DLG3: variants seen among roughly 807,000 people sequenced by gnomAD.
The protein encoded by DLG3 is discs large MAGUK scaffold protein 3, also known as disks large homolog 3.
A neutral mutation model predicts 64.1 loss-of-function variants in DLG3; 1 was observed. The ratio of observed to expected loss-of-function variants is 0.02; its 90% CI spans 0.01 to 0.07. DLG3 has a LOEUF of 0.07. DLG3 is among the 10% of genes least tolerant of loss of function. The pLI is 1.00. For missense variants in DLG3, 429 were observed against 669.5 expected (o/e 0.64, Z 3.96); for synonymous variants, 245 against 259.8 (o/e 0.94, Z 0.55).
chrX:70,460,551 A>G (rs73216716), intron 9 of DLG3, among the ~76,000 whole-genome samples: 1 of 112,462 alleles, frequency 8.9e-6, no homozygotes, highest in Non-Finnish European at 1.9e-5. Flanking sequence ...ATAAGCAAGC[A>G]TTCATTTTTT....
At chrX:70,456,884 A>C (rs1028079212) in intron 9 of DLG3, among the ~76,000 whole-genome samples, 1 of 111,724 alleles carries the variant, frequency 9.0e-6, no homozygotes, top group Non-Finnish European at 1.9e-5. Flanking sequence ...CATGTTGATC[A>C]ATTTATAAAC....
chrX:70,461,192 G>A (rs1250306247), intron 9 of DLG3, among the ~76,000 whole-genome samples: 2 of 111,986 alleles, frequency 1.8e-5, no homozygotes, highest in Non-Finnish European at 3.8e-5. Flanking sequence ...TAGTATGTAA[G>A]GGTTCCAATT....
intron 12 of DLG3, 47 bp from the exon 13 acceptor site, chrX:70,495,361 T>TCTTCTCC: frequency 9.2e-7 from 1 of 1,081,740 alleles, no homozygotes; most frequent in East Asian, 3.2e-5. Context: ...CCTTCCCCCC[T>TCTTCTCC]CTTCTCCCCG....
intron 1 of DLG3, chrX:70,448,478 C>A: frequency 1.4e-6 from 1 of 699,188 alleles, no homozygotes; most frequent in South Asian, 2.9e-5. Flanking sequence ...AACTGTGGTT[C>A]AGAAGGGGAA....
chrX:70,460,415 G>A (rs1248161576), intron 9 of DLG3, among the ~76,000 whole-genome samples: 1 of 112,099 alleles, frequency 8.9e-6, no homozygotes, highest in Non-Finnish European at 1.9e-5. Flanking sequence ...CAGGCAGAAG[G>A]AAAGTGGATT....
At chrX:70,493,154 G>C (rs1283422846) in intron 12 of DLG3, among the ~76,000 whole-genome samples, 1 of 111,840 alleles carries the variant, frequency 8.9e-6, no homozygotes, top group Non-Finnish European at 1.9e-5. Context: ...TGAGTGTCTG[G>C]ATTATGTAGA....
Position 70,449,395 on chromosome X carries a change from A to G in DLG3, c.445A>G (p.Ile149Val), listed in dbSNP as rs774169484. 1.7e-6 allele frequency: 2 copies of G among 1,211,706 alleles called. No individual in the cohort carries two copies. The highest frequency in any genetic ancestry group is 3.5e-5 in the South Asian group (2 of 56,972). Reference protein sequence around the residue: ...SGLGFSIAGGIDNPHVPDDPG... With the variant: ...SGLGFSIAGGVDNPHVPDDPG... ...CCTGGGCTTCAGTATCGCAGGTGGCATCGACAATCCCCATGTCCCTGATGA... is the reference window on the plus strand; with the variant it reads ...CCTGGGCTTCAGTATCGCAGGTGGCGTCGACAATCCCCATGTCCCTGATGA... Residue 149 changes from isoleucine (I) to valine (V), a missense_variant, in exon 3 of 19, where the codon ATC becomes GTC. By Grantham distance (29) the Ile-to-Val change is conservative. This residue lies in a region of DLG3 where 73 missense variants were observed against 158.5 expected (regional missense o/e 0.46). Coordinates refer to ENST00000374360, the MANE Select transcript of DLG3 (RefSeq NM_021120.4).
At chrX:70,465,799 T>G (rs762041061) in intron 9 of DLG3, among the ~76,000 whole-genome samples, 1 of 112,238 alleles carries the variant, frequency 8.9e-6, no homozygotes, top group African/African-American at 3.2e-5. Flanking sequence ...GATCACCATA[T>G]ATTTTTTGAA....
chrX:70,489,028 A>G (rs1322230612), intron 10 of DLG3, among the ~76,000 whole-genome samples: 5 of 112,227 alleles, frequency 4.5e-5, no homozygotes, highest in Non-Finnish European at 9.4e-5. Flanking sequence ...CTTGTTTGCC[A>G]GGGAACTTAG....
intron 9 of DLG3, among the ~76,000 whole-genome samples, chrX:70,470,292 G>T (rs1278874799): frequency 9.1e-6 from 1 of 109,821 alleles, no homozygotes; most frequent in Non-Finnish European, 1.9e-5. Flanking sequence ...GCAGTGGTGT[G>T]ATCTCAGCTC....
At chrX:70,481,597 TTC>T (rs746698705) in intron 10 of DLG3, among the ~76,000 whole-genome samples, 1 of 112,222 alleles carries the variant, frequency 8.9e-6, no homozygotes, top group African/African-American at 3.2e-5. Context: ...TTCAAATCAC[TTC>T]TCTTTCACTA....
intron 10 of DLG3, among the ~76,000 whole-genome samples, chrX:70,489,590 A>C (rs997556611): frequency 1.8e-5 from 2 of 112,027 alleles, no homozygotes; most frequent in African/African-American, 6.5e-5. Context: ...GGCGTGAGCC[A>C]CCCCACCCAG....
intron 9 of DLG3, among the ~76,000 whole-genome samples, chrX:70,463,396 C>T (rs2086836895): frequency 9.0e-6 from 1 of 111,203 alleles, no homozygotes; most frequent in African/African-American, 3.3e-5. Flanking sequence ...ATCCACCTGC[C>T]TCGGCCTCCC....
Position 70,452,532 on chromosome X carries a change from G to T in DLG3, c.1145+506G>T, listed in dbSNP as rs1477508528. ...GGTCGGGCCGGCTGGGGTTCCGGGG[G>T]ACAGGTTTGCAGGGTGGGGCCCGAG... On this transcript the variant is annotated intron_variant, in intron 7 of 18. Transcript: ENST00000374360. 11 of 1,156,606 alleles carry T rather than the reference G, an allele frequency of 9.5e-6. No homozygotes were observed. In the South Asian group the frequency reaches 1.2e-4, roughly 12 times the overall value.
chrX:70,447,690 G>A (rs994912383), intron 1 of DLG3, among the ~76,000 whole-genome samples: 2 of 112,386 alleles, frequency 1.8e-5, no homozygotes, highest in African/African-American at 6.5e-5. Context: ...GAAAGGTGGG[G>A]GAGGGGTGCC....
At chrX:70,476,449 A>T (rs2087055782) in intron 9 of DLG3, among the ~76,000 whole-genome samples, 1 of 111,398 alleles carries the variant, frequency 9.0e-6, no homozygotes, top group Non-Finnish European at 1.9e-5. Context: ...CTTAGAATTG[A>T]GATGCTTTTT....
chrX:70,483,844 C>CT (rs1192518400), intron 10 of DLG3, among the ~76,000 whole-genome samples: 1 of 112,253 alleles, frequency 8.9e-6, no homozygotes, highest in Non-Finnish European at 1.9e-5. Context: ...AGTAGATGAC[C>CT]GGGATAAGCA....
At chrX:70,457,913 T>C (rs1418217873) in intron 9 of DLG3, among the ~76,000 whole-genome samples, 1 of 108,818 alleles carries the variant, frequency 9.2e-6, no homozygotes, top group Non-Finnish European at 1.9e-5. Flanking sequence ...TCAGGCTCTG[T>C]TGCCCAGGCT....
intron 10 of DLG3, among the ~76,000 whole-genome samples, chrX:70,482,195 C>T (rs781601301): frequency 2.2e-4 from 25 of 112,203 alleles, no homozygotes; most frequent in African/African-American, 4.2e-4. Context: ...ATAGTAAATT[C>T]GATCTTTAGT....
Sources: allele counts gnomAD v4.1 joint callset (sites outside exome capture counted in the v4.1 genomes callset), GRCh38; gene constraint gnomAD v4.1.1; regional missense constraint gnomAD v4.1.1; transcripts MANE v1.5; gene names NCBI Gene and HGNC (gene_info 2026-07-23, HGNC 2026-07-21).